The following CLEC7A variants were observed in gnomAD, a reference collection of about 807,000 sequenced individuals.
CLEC7A encodes C-type lectin domain family 7 member A.
In CLEC7A, 25 loss-of-function variants were observed where a neutral mutation model predicts 26.9. That is an observed-to-expected ratio of 0.93 (90% CI 0.68 to 1.30). The LOEUF (loss-of-function observed/expected upper bound fraction) is 1.30. CLEC7A is among the 50% of genes most tolerant of loss of function. The pLI, the probability that CLEC7A is intolerant of heterozygous loss-of-function variation, is 0.00. For missense variants in CLEC7A, 275 were observed against 286.7 expected, an observed-to-expected ratio of 0.96 and a Z score of 0.29; for synonymous variants, 100 against 99.5, an observed-to-expected ratio of 1.01 and a Z score of -0.03.
rs1947930884 is a variant in CLEC7A, at chr12:10,116,896, G to C, written c.*1562C>G. 1 of 151,850 alleles carries C rather than the reference G, an allele frequency of 6.6e-6. No individual in the cohort carries two copies. The highest frequency in any genetic ancestry group is 1.5e-5 in the Non-Finnish European group (1 of 67,996). 9.4% of individuals were successfully genotyped at this position (151,850 alleles called of 1,614,324 possible). A position where few individuals can be genotyped will look rare whatever the true frequency, so the allele number is the denominator to read the frequency against. On this transcript the variant is annotated 3_prime_UTR_variant, in exon 6 of 6. Transcript: ENST00000304084. ...TCTTTTCACATATTAATCAACATTA[G>C]AGGACTGTAAATGCCTCCCTAGTAA...
chr12:10,128,055 A>AG (rs71049048), intron 1 of CLEC7A, among the ~76,000 whole-genome samples: 8 of 129,864 alleles, frequency 6.2e-5, no homozygotes, highest in Non-Finnish European at 8.7e-5. Context: ...TACCAAAAAA[A>AG]AAAAAGAAAA....
intron 2 of CLEC7A, chr12:10,127,236 GCC>G: frequency 7.6e-7 from 1 of 1,313,440 alleles, no homozygotes. Flanking sequence ...AAGACCAAGT[GCC>G]TCAGGAAATT....
chr12:10,124,898 G>T (rs781082582), intron 4 of CLEC7A: 11 of 192,436 alleles, frequency 5.7e-5, no homozygotes, highest in Non-Finnish European at 1.2e-4. Flanking sequence ...TAATTATAGA[G>T]ATATTAAAAA....
intron 4 of CLEC7A, among the ~76,000 whole-genome samples, chr12:10,123,767 C>CAA: frequency 8.0e-6 from 1 of 124,696 alleles, no homozygotes; most frequent in African/African-American, 4.5e-5. Context: ...GACTCCGTCT[C>CAA]AAAAAAAAAA....
intron 1 of CLEC7A, among the ~76,000 whole-genome samples, chr12:10,128,237 CACACACACA>C (rs1948370119): frequency 3.5e-5 from 5 of 144,530 alleles, no homozygotes; most frequent in South Asian, 4.2e-4. Flanking sequence ...CACACACACA[CACACACACA>C]CCACCAACAA....
At chr12:10,125,992 T>C (rs1458118473) in intron 3 of CLEC7A, 1 of 173,574 alleles carries the variant, frequency 5.8e-6, no homozygotes, top group Non-Finnish European at 1.1e-5. Context: ...TCATAGTCAA[T>C]TATGATGCAA....
chr12:10,128,209 C>A (rs1273382206), intron 1 of CLEC7A, among the ~76,000 whole-genome samples: 3 of 11,674 alleles, frequency 2.6e-4, no homozygotes, highest in African/African-American at 4.3e-4. Flanking sequence ...CCTGTTAAAA[C>A]ACACACACAC....
At chr12:10,121,875 G>GCA (rs1948096886) in intron 5 of CLEC7A, among the ~76,000 whole-genome samples, 1 of 152,134 alleles carries the variant, frequency 6.6e-6, no homozygotes, top group African/African-American at 2.4e-5. Flanking sequence ...GGGCATGGTG[G>GCA]TGAGCGCCTG....
chr12:10,125,683 C>A (rs1443360441), intron 3 of CLEC7A, among the ~76,000 whole-genome samples: 1 of 152,184 alleles, frequency 6.6e-6, no homozygotes, highest in Non-Finnish European at 1.5e-5. Flanking sequence ...AGGCAGCCAA[C>A]CATCCTTTTT....
chr12:10,126,367 A>G (rs980918125), intron 3 of CLEC7A: 1 of 980,618 alleles, frequency 1.0e-6, no homozygotes, highest in African/African-American at 1.7e-5. Context: ...AGAACTGTCC[A>G]GCCAACTGCA....
intron 3 of CLEC7A, among the ~76,000 whole-genome samples, chr12:10,125,962 A>G (rs1329454082): frequency 6.6e-6 from 1 of 152,206 alleles, no homozygotes; most frequent in East Asian, 1.9e-4. Context: ...GAGATGAAAA[A>G]TTGAACTGAA....
chr12:10,123,138 T>G (rs1218540874), intron 5 of CLEC7A, 107 bp downstream of exon 5: 1 of 691,828 alleles, frequency 1.4e-6, no homozygotes, highest in Non-Finnish European at 2.6e-6. Context: ...CTCTTTCTCA[T>G]ATATGGTGAG....
At position 10,118,443 on chromosome 12, in the gene CLEC7A, TCTC is replaced by T; in HGVS notation, c.*12_*14del. The T allele has an allele frequency of 6.2e-7, 1 of 1,601,094 alleles. No homozygotes were observed. The highest frequency in any genetic ancestry group is 8.6e-7 in the Non-Finnish European group (1 of 1,168,748). On this transcript the variant is annotated 3_prime_UTR_variant, in exon 6 of 6. Coordinates refer to ENST00000304084, the MANE Select transcript of CLEC7A (RefSeq NM_197947.3). ...ACTACCTCACATATTTCTCTCTCCT[TCTC>T]CACCCTTCCTCTTACATTGAAAACT...
chr12:10,129,576 G>T (rs79648922), intron 1 of CLEC7A, among the ~76,000 whole-genome samples: 4,231 of 152,028 alleles, frequency 0.028, 171 homozygotes, highest in African/African-American at 0.094. Flanking sequence ...CACATCACGA[G>T]GCTCTCAAAT....
Position 10,117,760 on chromosome 12 carries a change from ATAC to A in CLEC7A, c.*695_*697del, listed in dbSNP as rs895128592. The stretch of plus-strand genomic sequence containing the variant: ...ATTTCACCCTCAGTTCATAACTGAT[ATAC>A]TGCTAGAAGTTGAGGGTCAAATCGT... On this transcript the variant is annotated 3_prime_UTR_variant, in exon 6 of 6. Coordinates refer to ENST00000304084, the MANE Select transcript of CLEC7A (RefSeq NM_197947.3). 7 of 152,308 alleles carry A rather than the reference ATAC, an allele frequency of 4.6e-5. No individual in the cohort carries two copies. Among genetic ancestry groups the A allele is most frequent in the Admixed American group, 1.3e-4 (2 of 15,290 alleles). 9.4% of individuals were successfully genotyped at this position (152,308 alleles called of 1,614,324 possible). A position where few individuals can be genotyped will look rare whatever the true frequency, so the allele number is the denominator to read the frequency against.
chr12:10,122,672 G>C (rs1257696603), intron 5 of CLEC7A, among the ~76,000 whole-genome samples: 2 of 151,796 alleles, frequency 1.3e-5, no homozygotes, highest in Non-Finnish European at 2.9e-5. Flanking sequence ...TAAATTTTTA[G>C]TGGAGGTGGG....
rs141311359 is a variant in CLEC7A, at chr12:10,123,137, A to G, written c.611+108T>C. 4,043 of 686,120 alleles carry G rather than the reference A, an allele frequency of 5.9e-3. 250 individuals carry two copies. The Admixed American group carries it at 0.094, about 16-fold the overall frequency. 42.5% of individuals were successfully genotyped at this position (686,120 alleles called of 1,614,324 possible). ...CTATATCTTTCTCCCTCTCTTTCTC[A>G]TATATGGTGAGCAAATCAGGTTCTT... On this transcript the variant is annotated intron_variant, in intron 5 of 5. Coordinates refer to ENST00000304084, the MANE Select transcript of CLEC7A (RefSeq NM_197947.3).
intron 2 of CLEC7A, chr12:10,126,914 T>TG: frequency 2.0e-6 from 1 of 508,812 alleles, no homozygotes; most frequent in Non-Finnish European, 3.0e-6. Context: ...GGAGGTATAG[T>TG]AAAAAAAAAA....
intron 5 of CLEC7A, among the ~76,000 whole-genome samples, chr12:10,122,495 T>TC (rs962050974): frequency 1.3e-5 from 2 of 148,336 alleles, no homozygotes; most frequent in African/African-American, 5.1e-5. Context: ...TTTTTTTTTT[T>TC]TTTTTTTTTT....
Sources: allele counts gnomAD v4.1 joint callset (sites outside exome capture counted in the v4.1 genomes callset), GRCh38; gene constraint gnomAD v4.1.1; transcripts MANE v1.5; gene names NCBI Gene and HGNC (gene_info 2026-07-23, HGNC 2026-07-21).